Variants in C1QTNF3 observed in about 807,000 individuals in gnomAD.
C1QTNF3 encodes the protein C1q and TNF related 3, also known as complement C1q tumor necrosis factor-related protein 3.
Under a neutral mutation model 32.6 loss-of-function variants are expected in C1QTNF3, and 26 were observed. The ratio of observed to expected loss-of-function variants is 0.80; its 90% CI spans 0.58 to 1.11. C1QTNF3 has a LOEUF of 1.11. Ranked by LOEUF, C1QTNF3 falls within the 50% of genes least tolerant of loss-of-function variation. The pLI, the probability that C1QTNF3 is intolerant of heterozygous loss-of-function variation, is 0.00. For synonymous variants in C1QTNF3, 155 were observed against 146.0 expected, an observed-to-expected ratio of 1.06 and a Z score of -0.44; for missense variants, 362 against 398.2, an observed-to-expected ratio of 0.91 and a Z score of 0.77.
chr5:34,130,666 T>G, the C1QTNF3 span, among the ~76,000 whole-genome samples: 1 of 152,252 alleles, frequency 6.6e-6, no homozygotes, highest in South Asian at 2.1e-4. Flanking sequence ...CAGTTCTGTC[T>G]TTCATGGTGA....
At chr5:34,195,375 A>AG in the C1QTNF3 span, among the ~76,000 whole-genome samples, 102,435 of 102,520 alleles carry the variant, frequency 1, 51,179 homozygotes, top group Non-Finnish European at 1. Flanking sequence ...TTATACATTA[A>AG]TCTGCAAATT....
At chr5:34,167,026 A>G in the C1QTNF3 span, 2 of 152,216 alleles carry the variant, frequency 1.3e-5, no homozygotes, top group Non-Finnish European at 2.9e-5. Flanking sequence ...GATGCTGTCT[A>G]TAGAGATTCT....
the C1QTNF3 span, among the ~76,000 whole-genome samples, chr5:34,211,325 C>G: frequency 0.55 from 84,008 of 151,732 alleles, 25,731 homozygotes; most frequent in East Asian, 0.95. Flanking sequence ...TGAATGAACT[C>G]CTAGGATCTT....
At chr5:34,217,641 G>A in the C1QTNF3 span, among the ~76,000 whole-genome samples, 1 of 152,138 alleles carries the variant, frequency 6.6e-6, no homozygotes, top group Non-Finnish European at 1.5e-5. Context: ...CAGATGCAAG[G>A]AATGCTGGGA....
the C1QTNF3 span, among the ~76,000 whole-genome samples, chr5:34,069,038 C>T: frequency 6.8e-6 from 1 of 146,908 alleles, no homozygotes; most frequent in South Asian, 2.2e-4. Flanking sequence ...TTAACCTTTT[C>T]ATTAGTTAGA....
intron 4 of C1QTNF3, among the ~76,000 whole-genome samples, chr5:34,028,074 C>G (rs1027926816): frequency 3.3e-5 from 5 of 152,058 alleles, no homozygotes; most frequent in Admixed American, 6.6e-5. Flanking sequence ...CCGGGTTCAA[C>G]CCATTCTCCT....
Position 34,035,660 on chromosome 5 carries a change from A to AG in C1QTNF3, c.401dup (p.Pro135SerfsTer19), listed in dbSNP as rs1317347440. 6.2e-7 allele frequency: 1 copy of AG among 1,610,200 alleles called. No individual in the cohort carries two copies. Among genetic ancestry groups the AG allele is most frequent in the African/African-American group, 1.3e-5 (1 of 74,734 alleles). ...GCTCATCCTTACCTGGAATGCCAGG[A>AG]GGGCCCGGTGGCCCAGGGGGGCCTT... On this transcript the variant is annotated frameshift_variant, in exon 2 of 6. Coordinates refer to ENST00000382065, the MANE Select transcript of C1QTNF3 (RefSeq NM_181435.6). LOFTEE classifies it high-confidence loss of function.
chr5:34,165,923 T>G, the C1QTNF3 span: 1 of 146,020 alleles, frequency 6.8e-6, no homozygotes, highest in African/African-American at 2.5e-5. Context: ...CTGAAATATC[T>G]AGTATAGCAC....
chr5:34,195,489 A>C, the C1QTNF3 span, among the ~76,000 whole-genome samples: 1 of 151,752 alleles, frequency 6.6e-6, no homozygotes, highest in Non-Finnish European at 1.5e-5. Flanking sequence ...TACATCAACA[A>C]GTGTAATATA....
chr5:34,068,022 T>C, the C1QTNF3 span, among the ~76,000 whole-genome samples: 18 of 152,170 alleles, frequency 1.2e-4, no homozygotes, highest in Non-Finnish European at 1.9e-4. Context: ...ATGAATGATT[T>C]ACTTTTTTAC....
At chr5:34,061,538 A>G in the C1QTNF3 span, among the ~76,000 whole-genome samples, 450 of 152,256 alleles carry the variant, frequency 3.0e-3, 3 homozygotes, top group African/African-American at 0.01. Context: ...ATATTTCCAT[A>G]TATCTTCTGA....
chr5:34,068,523 G>A, the C1QTNF3 span, among the ~76,000 whole-genome samples: 16 of 151,020 alleles, frequency 1.1e-4, no homozygotes, highest in Admixed American at 7.3e-4. Flanking sequence ...ATATATATAC[G>A]TATATAGAGA....
At chr5:34,026,617 C>A (rs917035975) in intron 4 of C1QTNF3, among the ~76,000 whole-genome samples, 3 of 151,968 alleles carry the variant, frequency 2.0e-5, no homozygotes, top group African/African-American at 7.3e-5. Context: ...CACATTAGGG[C>A]CATACTTAAA....
At chr5:34,106,247 A>G in the C1QTNF3 span, 2 of 151,996 alleles carry the variant, frequency 1.3e-5, no homozygotes, top group African/African-American at 2.4e-5. Context: ...TTTAAAAAAA[A>G]AACTTGAGAG....
chr5:34,202,832 T>C, the C1QTNF3 span, among the ~76,000 whole-genome samples: 1 of 152,042 alleles, frequency 6.6e-6, no homozygotes, highest in Non-Finnish European at 1.5e-5. Context: ...CTGACAACCT[T>C]TTTAGTCATT....
At chr5:34,080,308 G>T in the C1QTNF3 span, among the ~76,000 whole-genome samples, 1 of 151,684 alleles carries the variant, frequency 6.6e-6, no homozygotes, top group East Asian at 1.9e-4. Flanking sequence ...AGGATCTCAG[G>T]ATTAGAGATG....
the C1QTNF3 span, among the ~76,000 whole-genome samples, chr5:34,128,909 G>C: frequency 6.6e-6 from 1 of 152,226 alleles, no homozygotes; most frequent in Non-Finnish European, 1.5e-5. Flanking sequence ...GCTTTGAAAA[G>C]TGAGAAGAAC....
intron 1 of C1QTNF3, among the ~76,000 whole-genome samples, chr5:34,041,717 T>A (rs1754875590): frequency 6.6e-6 from 1 of 152,026 alleles, no homozygotes; most frequent in Admixed American, 6.6e-5. Flanking sequence ...TCTGGATGCA[T>A]CCCCCACAGA....
chr5:34,234,477 C>T, the C1QTNF3 span, among the ~76,000 whole-genome samples: 3 of 152,084 alleles, frequency 2.0e-5, no homozygotes, highest in East Asian at 1.9e-4. Flanking sequence ...TAAAGTTTTG[C>T]CCAGTTACTG....
Sources: allele counts gnomAD v4.1 joint callset (sites outside exome capture counted in the v4.1 genomes callset), GRCh38; gene constraint gnomAD v4.1.1; transcripts MANE v1.5; gene names NCBI Gene and HGNC (gene_info 2026-07-23, HGNC 2026-07-21).